LRRC28: variants seen among roughly 807,000 people sequenced by gnomAD.
The protein encoded by LRRC28 is leucine-rich repeat-containing protein 28.
In LRRC28, 39 loss-of-function variants were observed where a neutral mutation model predicts 45.7. That is an observed-to-expected ratio of 0.85 (90% CI 0.66 to 1.12). The LOEUF (loss-of-function observed/expected upper bound fraction) is 1.12. Ranked by LOEUF, LRRC28 falls within the 50% of genes most tolerant of loss-of-function variation. The probability of loss-of-function intolerance (pLI) is 0.00; values close to 1 mark genes in which losing one functional copy is unlikely to be tolerated. For synonymous variants in LRRC28, 206 were observed against 178.8 expected, an observed-to-expected ratio of 1.15 and a Z score of -1.22; for missense variants, 435 against 438.5, an observed-to-expected ratio of 0.99 and a Z score of 0.07.
In LRRC28 at chr15:99,389,188, C is replaced by T. The variant is rs564786123; in HGVS notation, c.*3086C>T. ...TGTACATTAAACATCTTTTGGTCAC[C>T]GTGCCTCACTAAGACCTTTCACATT... On this transcript the variant is annotated 3_prime_UTR_variant, in exon 10 of 10. Coordinates refer to ENST00000301981, the MANE Select transcript of LRRC28 (RefSeq NM_144598.5). 1.2e-4 allele frequency: 19 copies of T among 152,244 alleles called. No individual in the cohort carries two copies. The highest frequency in any genetic ancestry group is 3.9e-4 in the African/African-American group (16 of 41,526). 9.4% of individuals were successfully genotyped at this position (152,244 alleles called of 1,614,324 possible). A position where few individuals can be genotyped will look rare whatever the true frequency, so the allele number is the denominator to read the frequency against.
chr15:99,269,128 G>A (rs909849841), intron 2 of LRRC28, among the ~76,000 whole-genome samples: 1 of 152,034 alleles, frequency 6.6e-6, no homozygotes, highest in African/African-American at 2.4e-5. Context: ...AAAAATATCA[G>A]TCTTGATGTT....
chr15:99,313,559 A>G (rs567796381), intron 5 of LRRC28, among the ~76,000 whole-genome samples: 19 of 152,296 alleles, frequency 1.2e-4, no homozygotes, highest in East Asian at 9.6e-4. Context: ...AAGCAATTCA[A>G]AAGAACTTGA....
chr15:99,258,980 C>T, intron 2 of LRRC28: 1 of 756,872 alleles, frequency 1.3e-6, no homozygotes, highest in Middle Eastern at 2.3e-4. Flanking sequence ...GCAACATAAA[C>T]TGCTTAAGGT....
intron 4 of LRRC28, 115 bp from the exon 5 acceptor site, chr15:99,287,699 G>A (rs2081994732): frequency 1.8e-6 from 2 of 1,113,936 alleles, no homozygotes; most frequent in Admixed American, 2.8e-5. Context: ...TATTTTGTGA[G>A]CAACTGAGAC....
At chr15:99,317,292 C>G (rs1955632652) in intron 5 of LRRC28, among the ~76,000 whole-genome samples, 1 of 152,048 alleles carries the variant, frequency 6.6e-6, no homozygotes, top group African/African-American at 2.4e-5. Context: ...GATAACCAAC[C>G]TTTTCCAAAC....
chr15:99,365,050 T>C (rs1957303896), intron 9 of LRRC28, among the ~76,000 whole-genome samples: 1 of 152,220 alleles, frequency 6.6e-6, no homozygotes, highest in Non-Finnish European at 1.5e-5. Flanking sequence ...GTCAGGATGC[T>C]CAGTAGCCAA....
Position 99,387,327 on chromosome 15 carries a change from T to A in LRRC28, c.*1225T>A, listed in dbSNP as rs988242513. 1 of 152,218 alleles carries A rather than the reference T, an allele frequency of 6.6e-6. No individual in the cohort carries two copies. The highest frequency in any genetic ancestry group is 2.4e-5 in the African/African-American group (1 of 41,460). The allele number at this position is 152,218 out of a possible 1,614,324, so 9.4% of individuals were successfully genotyped here. On this transcript the variant is annotated 3_prime_UTR_variant, in exon 10 of 10. Transcript: ENST00000301981. ...CGCACGCCTCGGCCTCCCAAAGTGC[T>A]GGGATTACAGGCGTGAGCCACCGCG...
intron 1 of LRRC28, among the ~76,000 whole-genome samples, chr15:99,253,332 G>GCC (rs1417529951): frequency 6.6e-6 from 1 of 152,156 alleles, no homozygotes; most frequent in Non-Finnish European, 1.5e-5. Flanking sequence ...AGTTGGCCAG[G>GCC]CTGGTCTCGA....
At chr15:99,301,565 G>T (rs1954970695) in intron 5 of LRRC28, among the ~76,000 whole-genome samples, 2 of 152,164 alleles carry the variant, frequency 1.3e-5, no homozygotes, top group African/African-American at 4.8e-5. Flanking sequence ...ATCCCTCTGT[G>T]TCTCCATTTT....
chr15:99,316,709 A>G (rs1051615018), intron 5 of LRRC28, among the ~76,000 whole-genome samples: 11 of 39,564 alleles, frequency 2.8e-4, no homozygotes, highest in African/African-American at 1.1e-3. Flanking sequence ...TTAAATAGAA[A>G]ACTCTTAAAA....
Position 99,363,204 on chromosome 15 carries a change from A to G in LRRC28, c.970A>G (p.Thr324Ala). Residue 324 changes from threonine (T) to alanine (A), a missense_variant, in exon 9 of 10, where the codon ACC becomes GCC. Physicochemically the swap from Thr to Ala is moderately conservative, Grantham distance 58. Transcript: ENST00000301981. ...TCATCGGTGTAGTGAGCCTATGTTT[A>G]CCATCGTCTACCCCAAGCTCTTTCC... ...HCHRCSEPMF[T>A]IVYPKLFPLR... is the part of the protein sequence containing the mutation. 1 of 1,614,010 alleles carries G rather than the reference A, an allele frequency of 6.2e-7. No individual in the cohort carries two copies. The highest frequency in any genetic ancestry group is 8.5e-7 in the Non-Finnish European group (1 of 1,179,918).
intron 9 of LRRC28, among the ~76,000 whole-genome samples, chr15:99,381,350 A>C (rs147398704): frequency 0.021 from 3,172 of 152,192 alleles, 112 homozygotes; most frequent in African/African-American, 0.072. Flanking sequence ...TGCATTTGTC[A>C]TGTAGTTCTC....
intron 1 of LRRC28, 43 bp from the exon 2 acceptor site, chr15:99,255,855 T>TA (rs1267153097): frequency 1.4e-5 from 19 of 1,330,230 alleles, no homozygotes; most frequent in East Asian, 4.9e-5. Flanking sequence ...GCAATTCTTG[T>TA]AAAAAATCTT....
At chr15:99,326,660 A>G (rs1340047402) in intron 5 of LRRC28, 3 of 152,096 alleles carry the variant, frequency 2.0e-5, no homozygotes. Flanking sequence ...CTGGTCCATG[A>G]TGCCTGCCAG....
intron 7 of LRRC28, chr15:99,355,412 C>A (rs1361415411): frequency 6.6e-6 from 1 of 152,150 alleles, no homozygotes; most frequent in Non-Finnish European, 1.5e-5. Flanking sequence ...ACAGGTCAAC[C>A]CTATTCACAG....
At position 99,255,926 on chromosome 15, in the gene LRRC28, G is replaced by A; in HGVS notation, c.-32G>A. 1 of 1,603,272 alleles carries A rather than the reference G, an allele frequency of 6.2e-7. No individual in the cohort carries two copies. Among genetic ancestry groups the A allele is most frequent in the Non-Finnish European group, 8.5e-7 (1 of 1,175,734 alleles). Reference sequence around the variant, plus strand: ...TGGACCAATTTTGACAAGATATAGTGCTGCAGCGTGCCTGATGGGATATAT... The same window carrying A: ...TGGACCAATTTTGACAAGATATAGTACTGCAGCGTGCCTGATGGGATATAT... On this transcript the variant is annotated 5_prime_UTR_variant, in exon 2 of 10. Coordinates refer to ENST00000301981, the MANE Select transcript of LRRC28 (RefSeq NM_144598.5).
chr15:99,271,185 G>T (rs1421650241), intron 2 of LRRC28, among the ~76,000 whole-genome samples: 2 of 151,994 alleles, frequency 1.3e-5, no homozygotes, highest in South Asian at 2.1e-4. Flanking sequence ...TATATGATTT[G>T]TAAGTATTTT....
Position 99,352,360 on chromosome 15 carries a change from C to T in LRRC28, c.593-9C>T, listed in dbSNP as rs1425781496. The T allele has an allele frequency of 1.2e-6, 2 of 1,600,044 alleles. No individual in the cohort carries two copies. The highest frequency in any genetic ancestry group is 1.7e-5 in the Admixed American group (1 of 59,444). On this transcript the variant is annotated splice_polypyrimidine_tract_variant and intron_variant, in intron 6 of 9. Coordinates refer to ENST00000301981, the MANE Select transcript of LRRC28 (RefSeq NM_144598.5). Reference sequence around the variant, plus strand: ...TATAGGAATTACAGCACTTTTCTTTCTAATCCAGATTTAGGTCGATCTCGA... The same window carrying T: ...TATAGGAATTACAGCACTTTTCTTTTTAATCCAGATTTAGGTCGATCTCGA...
At chr15:99,361,032 G>A (rs1217563530) in intron 7 of LRRC28, 1 of 206,080 alleles carries the variant, frequency 4.9e-6, no homozygotes, top group Non-Finnish European at 9.6e-6. Flanking sequence ...AATAAAATTG[G>A]GAAAAGTAAA....
Sources: allele counts gnomAD v4.1 joint callset (sites outside exome capture counted in the v4.1 genomes callset), GRCh38; gene constraint gnomAD v4.1.1; transcripts MANE v1.5; gene names NCBI Gene and HGNC (gene_info 2026-07-23, HGNC 2026-07-21).